The following ACAA1 variants were observed in gnomAD, a reference collection of about 807,000 sequenced individuals.
ACAA1 encodes the protein acetyl-CoA acyltransferase 1.
Under a neutral mutation model 48.8 loss-of-function variants are expected in ACAA1, and 44 were observed. The observed-to-expected ratio is 0.90, with a 90% CI of 0.71 to 1.16. The LOEUF is 1.16. ACAA1 is among the 50% of genes most tolerant of loss of function. The probability of loss-of-function intolerance (pLI) is 0.00; values close to 1 mark genes in which losing one functional copy is unlikely to be tolerated. For synonymous variants in ACAA1, 233 were observed against 226.5 expected, an observed-to-expected ratio of 1.03 and a Z score of -0.26; for missense variants, 512 against 562.3, an observed-to-expected ratio of 0.91 and a Z score of 0.90.
Position 38,126,041 on chromosome 3 carries a change from A to G in ACAA1, c.997+121T>C. On this transcript the variant is annotated intron_variant, in intron 9 of 11. Transcript: ENST00000333167. This position sits in a 1 kb window ranked among gnomAD's most constrained non-coding sequence, Gnocchi z 4.7. The stretch of plus-strand genomic sequence containing the variant: ...GGAAGGGCTTGAAGTATGGGACACT[A>G]GCCTGCCCCACCTCCACTCTGCAGC... 1 of 1,434,048 alleles carries G rather than the reference A, an allele frequency of 7.0e-7. No homozygotes were observed. The highest frequency in any genetic ancestry group is 1.3e-5 in the South Asian group (1 of 79,236). 88.8% of individuals were successfully genotyped at this position (1,434,048 alleles called of 1,614,324 possible). A position where few individuals can be genotyped will look rare whatever the true frequency, so the allele number is the denominator to read the frequency against.
At position 38,131,775 on chromosome 3, in the gene ACAA1, A is replaced by C. The variant is rs555732592; in HGVS notation, c.404-137T>G. On this transcript the variant is annotated intron_variant, in intron 4 of 11. Transcript: ENST00000333167. ...ATGGAAGACCCAGGAGTGTTCAGAA[A>C]AGGCTTTGGGCAGTGGTAGGGGGCG... The C allele has an allele frequency of 6.1e-5, 77 of 1,268,074 alleles. No homozygotes were observed. The South Asian group carries it at 9.0e-4, about 15-fold the overall frequency. 78.6% of individuals were successfully genotyped at this position (1,268,074 alleles called of 1,614,324 possible).
Position 38,125,656 on chromosome 3 carries a change from C to G in ACAA1, c.1108G>C (p.Gly370Arg). 1.9e-6 allele frequency: 3 copies of G among 1,599,402 alleles called. No individual in the cohort carries two copies. Among genetic ancestry groups the G allele is most frequent in the Non-Finnish European group, 1.7e-6 (2 of 1,171,618 alleles). ...GGGTGCCCTAAGGCCACTGCACCCCCCAGGGGGTTCACCTTCTCAGGGGGG... is the reference window on the plus strand; with the variant it reads ...GGGTGCCCTAAGGCCACTGCACCCCGCAGGGGGTTCACCTTCTCAGGGGGG... ...RLPPEKVNPL[G>R]GAVALGHPLG... The change falls in exon 11 of 12, where the codon GGG becomes CGG. Residue 370 changes from glycine (G) to arginine (R), a missense_variant. Coordinates refer to ENST00000333167, the MANE Select transcript of ACAA1 (RefSeq NM_001607.4).
intron 2 of ACAA1, chr3:38,135,425 TCTA>T (rs990719862): frequency 4.6e-5 from 7 of 152,072 alleles, no homozygotes; most frequent in African/African-American, 1.7e-4. Flanking sequence ...GATCACTATC[TCTA>T]CTATCTTGGC....
intron 1 of ACAA1, 49 bp downstream of exon 1, chr3:38,136,816 C>G: frequency 6.7e-7 from 1 of 1,486,936 alleles, no homozygotes; most frequent in Non-Finnish European, 8.9e-7. Context: ...CGGACCCCAG[C>G]CCGCGCCGGC....
At chr3:38,125,265 G>T in intron 11 of ACAA1, 1 of 267,414 alleles carries the variant, frequency 3.7e-6, no homozygotes, top group Non-Finnish European at 7.0e-6. Flanking sequence ...TGTGATTTTT[G>T]GGATTTTAGA....
chr3:38,123,765 G>GGCCGAGGCGGGAGGAT (rs1251720396), intron 11 of ACAA1: 1 of 152,198 alleles, frequency 6.6e-6, no homozygotes, highest in African/African-American at 2.4e-5. Flanking sequence ...CACTTTGGGA[G>GGCCGAGGCGGGAGGAT]GCCGAGGCGG....
chr3:38,125,587 C>A lies in ACAA1; in HGVS notation c.1177G>T (p.Glu393Ter). Reference protein sequence around the residue: ...GARQVITLLNELKRRGKRAYG... With the variant: ...GARQVITLLN ...TACCTCTTCCCACGGCGCTTCAGCT[C>A]ATTGAGCAGCGTGATGACCTGTCGT... The change falls in exon 11 of 12, where the codon GAG becomes TAG. Residue 393 changes from glutamate to a stop codon, truncating the protein, a stop_gained. Coordinates refer to ENST00000333167, the MANE Select transcript of ACAA1 (RefSeq NM_001607.4). LOFTEE classifies it high-confidence loss of function. The A allele has an allele frequency of 1.3e-6, 2 of 1,576,062 alleles. No homozygotes were observed. The highest frequency in any genetic ancestry group is 1.7e-6 in the Non-Finnish European group (2 of 1,160,714).
At chr3:38,132,979 C>T (rs11929529) in intron 3 of ACAA1, among the ~76,000 whole-genome samples, 18,191 of 152,122 alleles carry the variant, frequency 0.12, 1,141 homozygotes, top group Middle Eastern at 0.3. Flanking sequence ...CTAGAGGATG[C>T]CCAACCAACA....
At chr3:38,132,943 T>G (rs1247686263) in intron 3 of ACAA1, among the ~76,000 whole-genome samples, 1 of 152,180 alleles carries the variant, frequency 6.6e-6, no homozygotes, top group Non-Finnish European at 1.5e-5. Context: ...ACCTGAGGGA[T>G]GCTGCGATGC....
At chr3:38,133,763 G>A in intron 3 of ACAA1, 189 bp downstream of exon 3, 3 of 612,762 alleles carry the variant, frequency 4.9e-6, no homozygotes, top group Non-Finnish European at 8.8e-6. Flanking sequence ...CAAAGGTTTT[G>A]TGTATCGTGG....
intron 6 of ACAA1, among the ~76,000 whole-genome samples, chr3:38,128,069 G>T (rs1193202209): frequency 1.3e-5 from 2 of 152,202 alleles, no homozygotes; most frequent in African/African-American, 2.4e-5. Flanking sequence ...GCACAGATAG[G>T]GAAGTCAGCA....
At position 38,137,039 on chromosome 3, in the gene ACAA1, G is replaced by C. The variant is rs1201935249; in HGVS notation, c.-4C>G. ...GCACTACCTGCAGCCTCTGCATTGC[G>C]CAGGTCAACCCTGCAGACCAGCCAC... On this transcript the variant is annotated 5_prime_UTR_variant, in exon 1 of 12. Transcript: ENST00000333167. The C allele has an allele frequency of 6.4e-7, 1 of 1,558,592 alleles. No homozygotes were observed. Among genetic ancestry groups the C allele is most frequent in the Non-Finnish European group, 8.7e-7 (1 of 1,154,748 alleles).
At chr3:38,136,714 C>G (rs777908503) in intron 1 of ACAA1, 29 bp from the exon 2 acceptor site, 26 of 1,576,456 alleles carry the variant, frequency 1.6e-5, no homozygotes, top group Non-Finnish European at 2.2e-5. Flanking sequence ...CCGCAGTGAC[C>G]CCCACTCCCC....
intron 11 of ACAA1, chr3:38,123,416 C>T (rs1010062801): frequency 9.2e-6 from 3 of 325,336 alleles, no homozygotes; most frequent in Admixed American, 4.7e-5. Context: ...ATCATAATCC[C>T]AAAAGACACA....
At chr3:38,136,451 G>C in intron 2 of ACAA1, 141 bp downstream of exon 2, 1 of 783,126 alleles carries the variant, frequency 1.3e-6, no homozygotes, top group Non-Finnish European at 2.2e-6. Context: ...AATACCCACA[G>C]GTGTGAAGGG....
intron 2 of ACAA1, 136 bp downstream of exon 2, chr3:38,136,456 G>T: frequency 1.2e-6 from 1 of 828,662 alleles, no homozygotes; most frequent in South Asian, 1.5e-5. Flanking sequence ...CCACAGGTGT[G>T]AAGGGGCAGG....
intron 11 of ACAA1, 93 bp downstream of exon 11, chr3:38,125,472 T>C: frequency 1.4e-6 from 2 of 1,448,720 alleles, no homozygotes; most frequent in Admixed American, 2.4e-5. Context: ...GTCGAGATTA[T>C]GATCCAAAGC....
At chr3:38,124,998 C>A (rs1448168075) in intron 11 of ACAA1, 1 of 152,202 alleles carries the variant, frequency 6.6e-6, no homozygotes, top group Non-Finnish European at 1.5e-5. Flanking sequence ...CAAAGCAATG[C>A]TTTGTCAGGT....
Position 38,122,827 on chromosome 3 carries a change from C to A in ACAA1, c.*220G>T. 1.2e-6 allele frequency: 1 copy of A among 853,160 alleles called. No individual in the cohort carries two copies. Among genetic ancestry groups the A allele is most frequent in the Non-Finnish European group, 1.7e-6 (1 of 572,942 alleles). 52.8% of individuals were successfully genotyped at this position (853,160 alleles called of 1,614,324 possible). Reference sequence around the variant, plus strand: ...GGTGACCCAGGCTGCTTTTATCTTGCACAGCTAAAGAGGGTCTGATGGGTG... The same window carrying A: ...GGTGACCCAGGCTGCTTTTATCTTGAACAGCTAAAGAGGGTCTGATGGGTG... On this transcript the variant is annotated 3_prime_UTR_variant, in exon 12 of 12. Transcript: ENST00000333167.
Sources: gnomAD v4.1 joint callset for allele counts (sites outside exome capture counted in the v4.1 genomes callset) on GRCh38, gnomAD v4.1.1 for gene constraint, Gnocchi (gnomAD v3.1) non-coding constraint, MANE v1.5 for transcripts, NCBI Gene and HGNC (gene_info 2026-07-23, HGNC 2026-07-21) for gene names.